Variants in C7orf33 observed in about 807,000 individuals in gnomAD.
The protein encoded by C7orf33 is chromosome 7 open reading frame 33, also known as uncharacterized protein C7orf33.
Under a neutral mutation model 13.4 loss-of-function variants are expected in C7orf33, and 15 were observed. That is an observed-to-expected ratio of 1.12 (90% CI 0.75 to 1.72). The LOEUF (loss-of-function observed/expected upper bound fraction) is 1.72, where lower values mean the gene tolerates loss of function less well. Ranked by LOEUF, C7orf33 falls within the 40% of genes most tolerant of loss-of-function variation. The pLI, the probability that C7orf33 is intolerant of heterozygous loss-of-function variation, is 0.00. For synonymous variants in C7orf33, 73 were observed against 83.2 expected (o/e 0.88, Z 0.67); for missense variants, 187 against 220.3 (o/e 0.85, Z 0.96).
At chr7:148,601,502 C>T (rs1020336584) in intron 1 of C7orf33, among the ~76,000 whole-genome samples, 1 of 150,828 alleles carries the variant, frequency 6.6e-6, no homozygotes, top group African/African-American at 2.4e-5. Flanking sequence ...TGTACCACCA[C>T]ACCTGTCTAA....
At chr7:148,596,669 C>G (rs1796343499) in intron 1 of C7orf33, among the ~76,000 whole-genome samples, 1 of 152,170 alleles carries the variant, frequency 6.6e-6, no homozygotes, top group South Asian at 2.1e-4. Context: ...ATTCAATTAT[C>G]TCCCACCAGG....
intron 1 of C7orf33, among the ~76,000 whole-genome samples, chr7:148,598,281 C>T (rs1402823995): frequency 6.6e-6 from 1 of 152,122 alleles, no homozygotes; most frequent in Non-Finnish European, 1.5e-5. Flanking sequence ...CTATAAACAT[C>T]CCACAGTCTG....
intron 1 of C7orf33, among the ~76,000 whole-genome samples, chr7:148,603,372 C>T (rs573992392): frequency 6.6e-6 from 1 of 152,086 alleles, no homozygotes; most frequent in Non-Finnish European, 1.5e-5. Context: ...GCCTGGCCAA[C>T]ATGGTGAAAC....
chr7:148,614,741 T>C (rs1426653795), intron 2 of C7orf33, among the ~76,000 whole-genome samples: 4 of 152,150 alleles, frequency 2.6e-5, no homozygotes, highest in African/African-American at 4.8e-5. Context: ...TTCCATGAAA[T>C]TGGTGCCTCA....
chr7:148,611,942 A>T (rs1388223956), intron 1 of C7orf33, among the ~76,000 whole-genome samples: 1 of 152,248 alleles, frequency 6.6e-6, no homozygotes, highest in East Asian at 1.9e-4. Flanking sequence ...CATGTGCTGC[A>T]GGGGGAATCA....
chr7:148,611,614 G>A (rs1796544471), intron 1 of C7orf33, among the ~76,000 whole-genome samples: 1 of 152,188 alleles, frequency 6.6e-6, no homozygotes, highest in Non-Finnish European at 1.5e-5. Flanking sequence ...TCGAGCCCAT[G>A]TGTGATCCGA....
chr7:148,609,408 C>T (rs1796511443), intron 1 of C7orf33, among the ~76,000 whole-genome samples: 1 of 152,128 alleles, frequency 6.6e-6, no homozygotes, highest in Admixed American at 6.6e-5. Context: ...TAACAGAAAC[C>T]CCAACTCAAA....
chr7:148,598,725 G>GATATATATAT (rs1161811167), intron 1 of C7orf33, among the ~76,000 whole-genome samples: 3 of 24,390 alleles, frequency 1.2e-4, no homozygotes, highest in Admixed American at 9.0e-4. Flanking sequence ...TTCATTCCTG[G>GATATATATAT]ATATATATAT....
rs112219553 is a variant in C7orf33, at chr7:148,614,274, C to T, written c.437C>T (p.Thr146Ile). The stretch of plus-strand genomic sequence containing the variant: ...ACTCTCTCTTACAAGCCTGGGAGGA[C>T]AGTGACAAGTTCATACCTAAACGTA... ...LLTLSYKPGRTVTSSYLNVRG... is the reference protein window; with the variant it reads ...LLTLSYKPGRIVTSSYLNVRG... The change falls in exon 2 of 3, where the codon ACA (threonine) becomes ATA (isoleucine). Residue 146 changes from threonine to isoleucine, a missense_variant. Coordinates refer to ENST00000307003, the MANE Select transcript of C7orf33 (RefSeq NM_145304.4). 2,141 of 1,614,146 alleles carry T rather than the reference C, an allele frequency of 1.3e-3. 4 individuals carry two copies. Among genetic ancestry groups the T allele is most frequent in the Non-Finnish European group, 1.7e-3 (1,956 of 1,180,020 alleles).
At chr7:148,605,542 C>T (rs1796462929) in intron 1 of C7orf33, among the ~76,000 whole-genome samples, 1 of 152,204 alleles carries the variant, frequency 6.6e-6, no homozygotes. Context: ...GCTTCTTCAC[C>T]CCGGCAGCAG....
At chr7:148,595,178 A>T (rs965493831) in intron 1 of C7orf33, among the ~76,000 whole-genome samples, 5 of 149,704 alleles carry the variant, frequency 3.3e-5, no homozygotes, top group Non-Finnish European at 7.4e-5. Context: ...CAAGTGATCG[A>T]TCCTCCTGCT....
At position 148,613,980 on chromosome 7, in the gene C7orf33, G is replaced by A. The variant is rs548611841; in HGVS notation, c.205-62G>A. 40 of 1,540,318 alleles carry A rather than the reference G, an allele frequency of 2.6e-5. No homozygotes were observed. The East Asian group carries it at 8.6e-4, about 33-fold the overall frequency. On this transcript the variant is annotated intron_variant, in intron 1 of 2. Transcript: ENST00000307003. ...AAAGAAATGTGAGAACAAATTAGTA[G>A]CTTACTGATCACCATCTTTCCACCC...
intron 1 of C7orf33, among the ~76,000 whole-genome samples, chr7:148,611,566 G>A (rs910313704): frequency 3.9e-5 from 6 of 152,142 alleles, no homozygotes; most frequent in Non-Finnish European, 5.9e-5. Flanking sequence ...GTTGCTGAGT[G>A]CCGCCTCCAT....
chr7:148,608,512 G>A (rs1415835394), intron 1 of C7orf33, among the ~76,000 whole-genome samples: 1 of 151,928 alleles, frequency 6.6e-6, no homozygotes, highest in Non-Finnish European at 1.5e-5. Context: ...CTTAAGAGCT[G>A]GTTTGACTTC....
intron 1 of C7orf33, among the ~76,000 whole-genome samples, chr7:148,597,131 T>C (rs1361626466): frequency 6.6e-6 from 1 of 151,956 alleles, no homozygotes; most frequent in African/African-American, 2.4e-5. Flanking sequence ...AACATCTGTG[T>C]GGATATTTTG....
intron 1 of C7orf33, among the ~76,000 whole-genome samples, chr7:148,613,553 G>A (rs1283365427): frequency 2.0e-5 from 3 of 152,344 alleles, no homozygotes; most frequent in East Asian, 3.9e-4. Context: ...CTAAGTGAAA[G>A]AATTCAGTTA....
rs145002838 is a variant in C7orf33 at position 148,608,748 on chromosome 7, C to T, written c.205-5294C>T. ...AGGAGAATCGCTTGAACCTGGGAGG[C>T]GGAGGTTGCAGTGAGCCACGGTCAC... On this transcript the variant is annotated intron_variant, in intron 1 of 2. Coordinates refer to ENST00000307003, the MANE Select transcript of C7orf33 (RefSeq NM_145304.4). Among the ~76,000 whole-genome samples, 582 of 152,170 alleles carry T rather than the reference C, an allele frequency of 3.8e-3. 3 individuals carry two copies. Among genetic ancestry groups the T allele is most frequent in the African/African-American group, 0.013 (553 of 41,530 alleles).
intron 1 of C7orf33, among the ~76,000 whole-genome samples, chr7:148,603,683 T>C (rs907280064): frequency 1.3e-5 from 2 of 152,106 alleles, no homozygotes; most frequent in Admixed American, 6.6e-5. Flanking sequence ...AGTCATAAAA[T>C]TGGAAATACA....
At chr7:148,594,915 C>A (rs1052136187) in intron 1 of C7orf33, among the ~76,000 whole-genome samples, 1 of 151,996 alleles carries the variant, frequency 6.6e-6, no homozygotes, top group Admixed American at 6.6e-5. Flanking sequence ...CACTCCCAGC[C>A]GCTCCTGCTT....
Sources: allele counts gnomAD v4.1 joint callset (sites outside exome capture counted in the v4.1 genomes callset), GRCh38; gene constraint gnomAD v4.1.1; transcripts MANE v1.5; gene names NCBI Gene and HGNC (gene_info 2026-07-23, HGNC 2026-07-21).